The following NLGN1 variants were observed in gnomAD, a reference collection of about 807,000 sequenced individuals.
NLGN1 encodes neuroligin-1.
In NLGN1, 12 loss-of-function variants were observed where a neutral mutation model predicts 65.5. That is an observed-to-expected ratio of 0.18 (90% CI 0.12 to 0.30). The LOEUF (loss-of-function observed/expected upper bound fraction) is 0.30. NLGN1 is among the 10% of genes least tolerant of loss of function. The probability of loss-of-function intolerance (pLI) is 1.00; values close to 1 mark genes in which losing one functional copy is unlikely to be tolerated. For synonymous variants in NLGN1, 350 were observed against 359.5 expected, an observed-to-expected ratio of 0.97 and a Z score of 0.30; for missense variants, 750 against 1,007.1, an observed-to-expected ratio of 0.74 and a Z score of 3.46.
chr3:173,750,095 C>A (rs1776104713), intron 3 of NLGN1, among the ~76,000 whole-genome samples: 1 of 152,074 alleles, frequency 6.6e-6, no homozygotes. Context: ...GTTATCCCAT[C>A]ATAGGCTTCC....
chr3:173,953,541 AC>A (rs1748632946), intron 4 of NLGN1, among the ~76,000 whole-genome samples: 2 of 151,916 alleles, frequency 1.3e-5, no homozygotes, highest in African/African-American at 4.8e-5. Context: ...TTATATACTT[AC>A]TTACTTATTT....
intron 4 of NLGN1, among the ~76,000 whole-genome samples, chr3:174,091,474 T>C (rs1193175307): frequency 2.0e-5 from 3 of 152,256 alleles, no homozygotes; most frequent in African/African-American, 4.8e-5. Flanking sequence ...TTAACTAATG[T>C]ACTATAGTAT....
At chr3:174,238,324 TA>T (rs1301482934) in intron 4 of NLGN1, among the ~76,000 whole-genome samples, 32 of 131,950 alleles carry the variant, frequency 2.4e-4, no homozygotes, top group African/African-American at 8.4e-4. Context: ...TTTTCTTTTT[TA>T]TTTTTTTTTA....
At chr3:173,597,492 G>A (rs771022029) in intron 2 of NLGN1, among the ~76,000 whole-genome samples, 6 of 152,196 alleles carry the variant, frequency 3.9e-5, no homozygotes, top group African/African-American at 9.6e-5. Context: ...CAAACTGAAC[G>A]TGGAATTAAG....
intron 4 of NLGN1, among the ~76,000 whole-genome samples, chr3:174,162,010 A>G (rs1036486979): frequency 2.6e-5 from 4 of 151,850 alleles, no homozygotes; most frequent in Non-Finnish European, 1.5e-5. Context: ...CATCTAATAT[A>G]GGAATCGTCA....
chr3:173,818,895 C>CTGTTTTTTTTTT (rs1491434728), intron 4 of NLGN1, among the ~76,000 whole-genome samples: 2 of 92,400 alleles, frequency 2.2e-5, no homozygotes, highest in Non-Finnish European at 4.0e-5. Flanking sequence ...TTGAATAGTT[C>CTGTTTTTTTTTT]TTTTTTTTTT....
chr3:174,201,270 GA>G (rs560519497), intron 4 of NLGN1, among the ~76,000 whole-genome samples: 70 of 136,650 alleles, frequency 5.1e-4, no homozygotes, highest in African/African-American at 1.8e-3. Context: ...GAACAGGAAG[GA>G]AAGGAAAGGA....
chr3:174,162,001 A>G (rs1323095154), intron 4 of NLGN1, among the ~76,000 whole-genome samples: 3 of 151,976 alleles, frequency 2.0e-5, no homozygotes, highest in Middle Eastern at 3.4e-3. Context: ...TCCAAATCCC[A>G]TCTAATATAG....
chr3:173,665,311 G>A (rs1020937011), intron 3 of NLGN1, among the ~76,000 whole-genome samples: 14 of 152,080 alleles, frequency 9.2e-5, no homozygotes, highest in African/African-American at 2.4e-4. Flanking sequence ...CCTTCCTGCC[G>A]CCATGTGAAG....
intron 4 of NLGN1, among the ~76,000 whole-genome samples, chr3:173,879,691 T>G (rs1029328979): frequency 6.6e-6 from 1 of 152,038 alleles, no homozygotes; most frequent in African/African-American, 2.4e-5. Context: ...AATGATACAC[T>G]GTGGAGACTC....
chr3:173,815,046 C>T (rs575131032), intron 4 of NLGN1, among the ~76,000 whole-genome samples: 1 of 147,996 alleles, frequency 6.8e-6, no homozygotes, highest in Non-Finnish European at 1.5e-5. Flanking sequence ...CCCTTTCTTT[C>T]TTTTTCTTTC....
rs1378875146 is a variant in NLGN1, at chr3:174,280,394, CTATT to C, written c.1650-84_1650-81del. Reference sequence around the variant, plus strand: ...ACAATCTAAAGCATTGCTGAGTCATCTATTTAATTATTAGATGTTAAAGTAGTGT... The same window carrying C: ...ACAATCTAAAGCATTGCTGAGTCATCTAATTATTAGATGTTAAAGTAGTGT... On this transcript the variant is annotated intron_variant, in intron 6 of 6. Transcript: ENST00000457714. The surrounding 1 kb of genome is among the most constrained non-coding windows in gnomAD (Gnocchi z 4.9). 5 of 882,540 alleles carry C rather than the reference CTATT, an allele frequency of 5.7e-6. No homozygotes were observed. The highest frequency in any genetic ancestry group is 5.1e-5 in the African/African-American group (3 of 58,364). 54.7% of individuals were successfully genotyped at this position (882,540 alleles called of 1,614,324 possible).
At chr3:173,745,318 C>G (rs571371275) in intron 3 of NLGN1, among the ~76,000 whole-genome samples, 1 of 152,198 alleles carries the variant, frequency 6.6e-6, no homozygotes, top group East Asian at 1.9e-4. Context: ...TCCATGAACT[C>G]ACCCCCAAAA....
intron 1 of NLGN1, among the ~76,000 whole-genome samples, chr3:173,420,505 C>G (rs1430984540): frequency 6.6e-6 from 1 of 152,120 alleles, no homozygotes; most frequent in Non-Finnish European, 1.5e-5. Context: ...GGTTCCAAGT[C>G]TATGCTATTG....
intron 4 of NLGN1, among the ~76,000 whole-genome samples, chr3:174,047,864 G>A (rs536700079): frequency 1.3e-5 from 2 of 151,936 alleles, no homozygotes; most frequent in South Asian, 2.1e-4. Context: ...GATGAAATAT[G>A]TGTGAAGAAA....
intron 3 of NLGN1, among the ~76,000 whole-genome samples, chr3:173,635,037 G>GT (rs1168989864): frequency 6.6e-6 from 1 of 151,914 alleles, no homozygotes; most frequent in Non-Finnish European, 1.5e-5. Flanking sequence ...TGTAGCACAT[G>GT]TAAAAAAAAG....
chr3:173,788,301 A>G (rs1484955744), intron 3 of NLGN1, among the ~76,000 whole-genome samples: 3 of 151,776 alleles, frequency 2.0e-5, no homozygotes, highest in Non-Finnish European at 4.4e-5. Context: ...TAAATAGTAA[A>G]TGGATAAAAA....
intron 4 of NLGN1, among the ~76,000 whole-genome samples, chr3:173,849,314 T>G (rs1726436114): frequency 6.6e-6 from 1 of 152,128 alleles, no homozygotes; most frequent in South Asian, 2.1e-4. Flanking sequence ...CTGTCTCTAC[T>G]GAACTTTATA....
chr3:174,011,834 C>T (rs1393265322), intron 4 of NLGN1, among the ~76,000 whole-genome samples: 1 of 151,088 alleles, frequency 6.6e-6, no homozygotes, highest in Non-Finnish European at 1.5e-5. Flanking sequence ...GAGAACAAAA[C>T]CTAAGAAAAA....
Sources: allele counts gnomAD v4.1 joint callset (sites outside exome capture counted in the v4.1 genomes callset), GRCh38; gene constraint gnomAD v4.1.1; non-coding constraint Gnocchi (gnomAD v3.1); transcripts MANE v1.5; gene names NCBI Gene and HGNC (gene_info 2026-07-23, HGNC 2026-07-21).